The following CAMTA1 variants were observed in gnomAD, a reference collection of about 807,000 sequenced individuals.
The protein encoded by CAMTA1 is calmodulin binding transcription activator 1.
In CAMTA1, 27 loss-of-function variants were observed where a neutral mutation model predicts 170.9. The ratio of observed to expected loss-of-function variants is 0.16; its 90% CI spans 0.12 to 0.22. The LOEUF (loss-of-function observed/expected upper bound fraction) is 0.22. Ranked by LOEUF, CAMTA1 falls within the 10% of genes least tolerant of loss-of-function variation. The pLI, the probability that CAMTA1 is intolerant of heterozygous loss-of-function variation, is 1.00. For synonymous variants in CAMTA1, 833 were observed against 891.5 expected (o/e 0.93, Z 1.17); for missense variants, 1,619 against 2,217.2 (o/e 0.73, Z 5.42).
intron 3 of CAMTA1, among the ~76,000 whole-genome samples, chr1:6,855,470 G>A (rs1661956297): frequency 6.6e-6 from 1 of 151,814 alleles, no homozygotes; most frequent in Non-Finnish European, 1.5e-5. Flanking sequence ...GAGCAAGAGA[G>A]AGAGAGAGGA....
At chr1:6,894,235 C>G (rs1675176016) in intron 3 of CAMTA1, among the ~76,000 whole-genome samples, 2 of 152,198 alleles carry the variant, frequency 1.3e-5, no homozygotes, top group African/African-American at 2.4e-5. Context: ...ATTTTAAGAA[C>G]CAGCCATTCA....
At chr1:7,124,249 C>T (rs182749437) in intron 4 of CAMTA1, among the ~76,000 whole-genome samples, 5 of 152,232 alleles carry the variant, frequency 3.3e-5, no homozygotes, top group South Asian at 2.1e-4. Context: ...TCTCCTGGGA[C>T]GAATCTCCTC....
intron 3 of CAMTA1, among the ~76,000 whole-genome samples, chr1:6,916,853 G>A (rs1267993045): frequency 1.3e-5 from 2 of 152,230 alleles, no homozygotes; most frequent in Admixed American, 1.3e-4. Context: ...GAGCTGTACA[G>A]GTGATGAACA....
intron 4 of CAMTA1, among the ~76,000 whole-genome samples, chr1:7,143,622 G>C (rs987528941): frequency 6.6e-6 from 1 of 152,144 alleles, no homozygotes; most frequent in Non-Finnish European, 1.5e-5. Flanking sequence ...AAGGATTCAG[G>C]ATGCCCTGGG....
chr1:6,976,306 TGA>T (rs1400300021), intron 3 of CAMTA1, among the ~76,000 whole-genome samples: 1 of 152,004 alleles, frequency 6.6e-6, no homozygotes, highest in Non-Finnish European at 1.5e-5. Flanking sequence ...TGTGTGTGTG[TGA>T]GATGGGGCAG....
rs902525477 is a variant in CAMTA1, at chr1:7,680,116, A to G, written c.2914+2383A>G. The G allele has an allele frequency of 1.6e-4, 29 of 176,638 alleles. No individual in the cohort carries two copies. The Admixed American group carries it at 1.8e-3, about 11-fold the overall frequency. 10.9% of individuals were successfully genotyped at this position (176,638 alleles called of 1,614,324 possible). The stretch of plus-strand genomic sequence containing the variant: ...GTCGCAGCGCAAAGGGGGCCGCGGG[A>G]ACAGCTAGTCGGGAGCGCGGGGGTC... On this transcript the variant is annotated intron_variant, in intron 11 of 22. Coordinates refer to ENST00000303635, the MANE Select transcript of CAMTA1 (RefSeq NM_015215.4). The surrounding 1 kb of genome is among the most constrained non-coding windows in gnomAD (Gnocchi z 4.4).
chr1:6,926,288 C>A (rs1186832348), intron 3 of CAMTA1, among the ~76,000 whole-genome samples: 1 of 151,594 alleles, frequency 6.6e-6, no homozygotes, highest in Non-Finnish European at 1.5e-5. Context: ...CAGTGACCTA[C>A]CTTCCTTTCC....
At chr1:7,439,037 G>T (rs2092436758) in intron 5 of CAMTA1, among the ~76,000 whole-genome samples, 1 of 152,170 alleles carries the variant, frequency 6.6e-6, no homozygotes, top group South Asian at 2.1e-4. Context: ...GAGAGGGAAG[G>T]CCACCACAAA....
chr1:6,969,983 T>TCAC (rs1056688738), intron 3 of CAMTA1, among the ~76,000 whole-genome samples: 1 of 152,058 alleles, frequency 6.6e-6, no homozygotes, highest in Non-Finnish European at 1.5e-5. Flanking sequence ...CAAATTTGTG[T>TCAC]CACCACCACC....
chr1:7,413,858 G>A (rs1575183190), intron 5 of CAMTA1, among the ~76,000 whole-genome samples: 2 of 152,150 alleles, frequency 1.3e-5, no homozygotes, highest in East Asian at 3.8e-4. Flanking sequence ...AATGCTTCCA[G>A]TTTTTGCCCA....
At chr1:7,756,879 G>T (rs183850926) in intron 22 of CAMTA1, among the ~76,000 whole-genome samples, 2 of 150,952 alleles carry the variant, frequency 1.3e-5, no homozygotes, top group Non-Finnish European at 2.9e-5. Context: ...AACAAAAAAC[G>T]CCAGGAATAG....
rs563095368 is a variant in CAMTA1 at position 7,493,060 on chromosome 1, C to T, written c.510+25159C>T. 1.3e-3 allele frequency among the ~76,000 whole-genome samples: 116 copies of T among 88,420 alleles called. 1 individual carries two copies. The highest frequency in any genetic ancestry group is 2.1e-3 in the Non-Finnish European group (96 of 46,018). The allele number at this position is 88,420 out of a possible 152,430, so 58.0% of individuals were successfully genotyped here. ...ACAAACACAAACCTACATACACACG[C>T]GCGCACACACACAGACATACAAACG... On this transcript the variant is annotated intron_variant, in intron 6 of 22. Transcript: ENST00000303635.
At chr1:7,227,128 C>T (rs974794543) in intron 4 of CAMTA1, among the ~76,000 whole-genome samples, 16 of 151,994 alleles carry the variant, frequency 1.1e-4, no homozygotes, top group African/African-American at 3.6e-4. Context: ...CCACCACGCC[C>T]GGCCAACTGA....
chr1:6,993,643 T>A (rs1002219309), intron 3 of CAMTA1, among the ~76,000 whole-genome samples: 1 of 145,988 alleles, frequency 6.8e-6, no homozygotes, highest in African/African-American at 2.4e-5. Context: ...GTAAACTGTT[T>A]GTCTTGAAGT....
rs1361335987 is a variant in CAMTA1 at position 7,677,602 on chromosome 1, A to G, written c.2783A>G (p.His928Arg). Residue 928 changes from histidine (H) to arginine (R), a missense_variant, in exon 11 of 23, where the codon CAT (histidine) becomes CGT (arginine). By Grantham distance (29) the His-to-Arg change is conservative. Around this residue, in one of 8 missense-constraint regions of CAMTA1, gnomAD observed 29 missense variants for 70.9 expected, o/e 0.41. Transcript: ENST00000303635. Reference protein sequence around the residue: ...PGVLRCYCPAHDTGLVTLQVA... With the variant: ...PGVLRCYCPARDTGLVTLQVA... The stretch of plus-strand genomic sequence containing the variant: ...GGTCTTTTTCTCTCGCTTTCAGCCC[A>G]TGACACTGGTCTTGTGACCCTACAA... 1 of 1,613,822 alleles carries G rather than the reference A, an allele frequency of 6.2e-7. No individual in the cohort carries two copies. The highest frequency in any genetic ancestry group is 2.2e-5 in the East Asian group (1 of 44,892).
At chr1:7,047,686 A>T (rs1174068768) in intron 3 of CAMTA1, among the ~76,000 whole-genome samples, 2 of 143,660 alleles carry the variant, frequency 1.4e-5, no homozygotes, top group African/African-American at 2.6e-5. Flanking sequence ...CCTCCTGCTC[A>T]TTGGTTGGCT....
chr1:7,523,567 G>A (rs2094393334), intron 6 of CAMTA1, among the ~76,000 whole-genome samples: 1 of 152,222 alleles, frequency 6.6e-6, no homozygotes, highest in African/African-American at 2.4e-5. Flanking sequence ...TACACATTCT[G>A]TGAAGTGTAG....
chr1:7,567,602 C>T (rs1000058663), intron 6 of CAMTA1, among the ~76,000 whole-genome samples: 1 of 152,214 alleles, frequency 6.6e-6, no homozygotes, highest in Admixed American at 6.5e-5. Flanking sequence ...GTTGTTTGCA[C>T]TGGTGGGTCC....
chr1:7,034,307 CCA>C (rs1457670348), intron 3 of CAMTA1, among the ~76,000 whole-genome samples: 1 of 152,198 alleles, frequency 6.6e-6, no homozygotes, highest in Non-Finnish European at 1.5e-5. Flanking sequence ...CAGGTGCCCA[CCA>C]CCACAGCCAG....
Sources: allele counts gnomAD v4.1 joint callset (sites outside exome capture counted in the v4.1 genomes callset), GRCh38; gene constraint gnomAD v4.1.1; regional missense constraint gnomAD v4.1.1; non-coding constraint Gnocchi (gnomAD v3.1); transcripts MANE v1.5; gene names NCBI Gene and HGNC (gene_info 2026-07-23, HGNC 2026-07-21).